Variants in TNIK observed in about 807,000 individuals in gnomAD.
The protein encoded by TNIK is TRAF2 and NCK-interacting protein kinase.
Under a neutral mutation model 191.3 loss-of-function variants are expected in TNIK, and 49 were observed. That is an observed-to-expected ratio of 0.26 (90% CI 0.20 to 0.32). TNIK has a LOEUF of 0.32. Ranked by LOEUF, TNIK falls within the 10% of genes least tolerant of loss-of-function variation. The pLI is 1.00. For synonymous variants in TNIK, 594 were observed against 600.9 expected (o/e 0.99, Z 0.17); for missense variants, 1,155 against 1,702.3 (o/e 0.68, Z 5.66).
rs560200781 is a variant in TNIK, at chr3:171,389,872, G to A, written c.58-20187C>T. 2.0e-5 allele frequency among the ~76,000 whole-genome samples: 3 copies of A among 152,290 alleles called. No individual in the cohort carries two copies. The South Asian group carries it at 6.2e-4, about 32-fold the overall frequency. On this transcript the variant is annotated intron_variant, in intron 1 of 32. Coordinates refer to ENST00000436636, the MANE Select transcript of TNIK (RefSeq NM_015028.4). ...ATTGAAACTTTACAACAAATTCCCT[G>A]ACAACCTTTCCCTGGAGAAGCCCCT...
intron 2 of TNIK, among the ~76,000 whole-genome samples, chr3:171,274,888 A>G (rs1749535839): frequency 6.6e-6 from 1 of 152,244 alleles, no homozygotes; most frequent in African/African-American, 2.4e-5. Context: ...GTAGAAATTT[A>G]TGGGCAGGAC....
intron 1 of TNIK, among the ~76,000 whole-genome samples, chr3:171,432,969 T>A (rs925315487): frequency 1.3e-5 from 2 of 152,150 alleles, no homozygotes; most frequent in Admixed American, 1.3e-4. Context: ...TAATATTAAA[T>A]TGATATCAGA....
At chr3:171,086,873 C>T (rs773607987) in intron 24 of TNIK, among the ~76,000 whole-genome samples, 3 of 152,214 alleles carry the variant, frequency 2.0e-5, no homozygotes, top group Admixed American at 6.5e-5. Flanking sequence ...GAAAGATGAA[C>T]ACTCTAAGAA....
At chr3:171,094,211 T>G (rs1337397298) in intron 22 of TNIK, among the ~76,000 whole-genome samples, 1 of 151,996 alleles carries the variant, frequency 6.6e-6, no homozygotes, top group Non-Finnish European at 1.5e-5. Flanking sequence ...CTTGACTCAC[T>G]GCAAGCTCTG....
chr3:171,162,384 A>G (rs111461427), intron 10 of TNIK, among the ~76,000 whole-genome samples: 10,701 of 152,316 alleles, frequency 0.07, 491 homozygotes, highest in Middle Eastern at 0.12. Flanking sequence ...AGATCGCACC[A>G]CTGCACTCAA....
intron 2 of TNIK, among the ~76,000 whole-genome samples, chr3:171,234,138 T>C (rs1391436680): frequency 6.6e-6 from 1 of 152,230 alleles, no homozygotes; most frequent in Non-Finnish European, 1.5e-5. Context: ...AATATCTATC[T>C]GGACATCTTT....
chr3:171,359,581 C>T (rs1264428486), intron 2 of TNIK, among the ~76,000 whole-genome samples: 2 of 152,134 alleles, frequency 1.3e-5, no homozygotes, highest in African/African-American at 2.4e-5. Context: ...CACCCAGCAG[C>T]AGAGGTTGTA....
rs377496208 is a variant in TNIK at position 171,177,280 on chromosome 3, G to A, written c.694+46C>T. The stretch of plus-strand genomic sequence containing the variant: ...TCCTGGCAAGGAAACTTCAGTACCT[G>A]CAGAGCAGACCAGCAACAGATTTCA... On this transcript the variant is annotated intron_variant, in intron 8 of 32. Coordinates refer to ENST00000436636, the MANE Select transcript of TNIK (RefSeq NM_015028.4). The A allele has an allele frequency of 6.3e-5, 99 of 1,581,434 alleles. No homozygotes were observed. The Middle Eastern group carries it at 6.6e-4, about 11-fold the overall frequency.
chr3:171,142,423 T>C (rs1317414478), intron 12 of TNIK, among the ~76,000 whole-genome samples: 1 of 152,188 alleles, frequency 6.6e-6, no homozygotes, highest in African/African-American at 2.4e-5. Flanking sequence ...GACTAACAAC[T>C]ATACAGGTTG....
chr3:171,284,411 C>A (rs1400749603), intron 2 of TNIK, among the ~76,000 whole-genome samples: 1 of 152,092 alleles, frequency 6.6e-6, no homozygotes, highest in African/African-American at 2.4e-5. Context: ...CCTTCTCAAC[C>A]AACTTCACAC....
intron 1 of TNIK, among the ~76,000 whole-genome samples, chr3:171,438,834 G>A (rs1726376348): frequency 6.6e-6 from 1 of 152,080 alleles, no homozygotes; most frequent in Non-Finnish European, 1.5e-5. Flanking sequence ...CTTGTGGTGG[G>A]ATCAGAATTT....
rs566077532 is a variant in TNIK at position 171,282,974 on chromosome 3, T to C, written c.124-54753A>G. 3.9e-5 allele frequency among the ~76,000 whole-genome samples: 6 copies of C among 152,136 alleles called. No individual in the cohort carries two copies. In the East Asian group the frequency reaches 1.2e-3, roughly 29 times the overall value. On this transcript the variant is annotated intron_variant, in intron 2 of 32. Coordinates refer to ENST00000436636, the MANE Select transcript of TNIK (RefSeq NM_015028.4). The stretch of plus-strand genomic sequence containing the variant: ...CAGCCTGGGCCCGCCTTATATTCTC[T>C]GCACAATCAGAGTGGAACCTGGGCA...
intron 4 of TNIK, among the ~76,000 whole-genome samples, chr3:171,210,696 G>GT (rs1332935126): frequency 6.6e-6 from 1 of 152,162 alleles, no homozygotes; most frequent in Non-Finnish European, 1.5e-5. Context: ...CTTTGGAACA[G>GT]TTTATTCATT....
At chr3:171,348,855 A>G (rs1712681713) in intron 2 of TNIK, among the ~76,000 whole-genome samples, 1 of 152,154 alleles carries the variant, frequency 6.6e-6, no homozygotes, top group Admixed American at 6.6e-5. Context: ...TAGTGAGACA[A>G]GGGCAAATAT....
In TNIK at chr3:171,071,210, C is replaced by A; in HGVS notation, c.3549+13G>T. On this transcript the variant is annotated intron_variant, in intron 29 of 32. Transcript: ENST00000436636. ...TTAAAAAGCACATTTTAGATAATCA[C>A]ATCCCTGCTTACCTTAAATGCCATG... 6.3e-7 allele frequency: 1 copy of A among 1,575,898 alleles called. No homozygotes were observed. Among genetic ancestry groups the A allele is most frequent in the Non-Finnish European group, 8.6e-7 (1 of 1,163,424 alleles).
At chr3:171,314,715 A>G (rs1187700799) in intron 2 of TNIK, among the ~76,000 whole-genome samples, 1 of 152,148 alleles carries the variant, frequency 6.6e-6, no homozygotes. Context: ...CAAACAATAA[A>G]TAAATAAATA....
At chr3:171,172,672 A>T (rs1231086863) in intron 9 of TNIK, among the ~76,000 whole-genome samples, 1 of 152,184 alleles carries the variant, frequency 6.6e-6, no homozygotes, top group East Asian at 1.9e-4. Context: ...GAAATGGCAC[A>T]TTATCAGGGC....
At chr3:171,393,209 C>G (rs1428130039) in intron 1 of TNIK, among the ~76,000 whole-genome samples, 1 of 152,160 alleles carries the variant, frequency 6.6e-6, no homozygotes, top group Admixed American at 6.5e-5. Flanking sequence ...AGAAGTGCCC[C>G]CAAATGGTGC....
At chr3:171,433,364 A>T (rs936688395) in intron 1 of TNIK, among the ~76,000 whole-genome samples, 2 of 152,208 alleles carry the variant, frequency 1.3e-5, no homozygotes, top group Non-Finnish European at 2.9e-5. Context: ...CAGCAAAAAC[A>T]AATCAAGACA....
Sources: allele counts gnomAD v4.1 joint callset (sites outside exome capture counted in the v4.1 genomes callset), GRCh38; gene constraint gnomAD v4.1.1; transcripts MANE v1.5; gene names NCBI Gene and HGNC (gene_info 2026-07-23, HGNC 2026-07-21).